MED13L: variants seen among roughly 807,000 people sequenced by gnomAD.
The protein encoded by MED13L is mediator complex subunit 13L, also known as mediator of RNA polymerase II transcription subunit 13-like.
Under a neutral mutation model 220.9 loss-of-function variants are expected in MED13L, and 7 were observed. The observed-to-expected ratio is 0.03, with a 90% CI of 0.02 to 0.06. The LOEUF (loss-of-function observed/expected upper bound fraction) is 0.06. MED13L is among the 10% of genes least tolerant of loss of function. The pLI, the probability that MED13L is intolerant of heterozygous loss-of-function variation, is 1.00. For missense variants in MED13L, 1,965 were observed against 2,760.5 expected, an observed-to-expected ratio of 0.71 and a Z score of 6.46; for synonymous variants, 1,011 against 1,015.2, an observed-to-expected ratio of 1.00 and a Z score of 0.08.
chr12:116,003,015 G>C lies in MED13L; in HGVS notation c.2557C>G (p.Pro853Ala). ...TTTCTCTACCTACTTGGTGGATAAG[G>C]AACAGCAGCTCTTCCATCCTTCCCA... ...PLGKDGRAAVPYPPTVADLQR... is the reference protein window; with the variant it reads ...PLGKDGRAAVAYPPTVADLQR... The change falls in exon 14 of 31, where the codon CCT becomes GCT. Residue 853 changes from proline (P) to alanine (A), a missense_variant. Around this residue, in one of 10 missense-constraint regions of MED13L, gnomAD observed 9 missense variants for 39.6 expected, o/e 0.23. Transcript: ENST00000281928. 1 of 1,613,856 alleles carries C rather than the reference G, an allele frequency of 6.2e-7. No homozygotes were observed. Among genetic ancestry groups the C allele is most frequent in the South Asian group, 1.1e-5 (1 of 91,070 alleles).
chr12:116,140,629 C>T (rs1357241920), intron 2 of MED13L, among the ~76,000 whole-genome samples: 1 of 152,266 alleles, frequency 6.6e-6, no homozygotes, highest in Non-Finnish European at 1.5e-5. Context: ...CCAAGTCTAA[C>T]TACAAAAAGG....
intron 23 of MED13L, among the ~76,000 whole-genome samples, chr12:115,978,323 T>C (rs1036423045): frequency 2.0e-5 from 3 of 150,772 alleles, no homozygotes; most frequent in Non-Finnish European, 4.4e-5. Context: ...TACAATTTTT[T>C]TTCTTTTTTT....
At position 116,120,711 on chromosome 12, in the gene MED13L, G is replaced by GA. The variant is rs147108936; in HGVS notation, c.311-9200dup. Reference sequence around the variant, plus strand: ...ACGGCATGCTGTCTCCATTCCAAAAGAAAAAAAAATAAAAAACAGGAAAAA... The same window carrying GA: ...ACGGCATGCTGTCTCCATTCCAAAAGAAAAAAAAAATAAAAAACAGGAAAAA... On this transcript the variant is annotated intron_variant, in intron 2 of 30. Coordinates refer to ENST00000281928, the MANE Select transcript of MED13L (RefSeq NM_015335.5). 1.5e-3 allele frequency among the ~76,000 whole-genome samples: 215 copies of GA among 147,258 alleles called. 5 individuals are homozygous for GA. The highest frequency in any genetic ancestry group is 7.4e-4 in the Admixed American group (11 of 14,820).
intron 29 of MED13L, among the ~76,000 whole-genome samples, chr12:115,963,809 T>A (rs932611989): frequency 6.6e-5 from 10 of 152,168 alleles, no homozygotes; most frequent in Non-Finnish European, 1.3e-4. Flanking sequence ...TACTATAATA[T>A]ATAATAAGGT....
At position 115,959,673 on chromosome 12, in the gene MED13L, C is replaced by A. The variant is rs1300471083; in HGVS notation, c.*1593G>T. The A allele has an allele frequency of 6.6e-6, 1 of 152,508 alleles. No individual in the cohort carries two copies. Among genetic ancestry groups the A allele is most frequent in the Non-Finnish European group, 1.5e-5 (1 of 68,012 alleles). 9.4% of individuals were successfully genotyped at this position (152,508 alleles called of 1,614,324 possible). The stretch of plus-strand genomic sequence containing the variant: ...TCCTATACATTGCGAAAGTCAACCC[C>A]CCCTTCAACTGGTGGTACAGAGAAC... On this transcript the variant is annotated 3_prime_UTR_variant, in exon 31 of 31. Transcript: ENST00000281928.
At chr12:116,034,843 T>C (rs1426991894) in intron 4 of MED13L, among the ~76,000 whole-genome samples, 1 of 151,932 alleles carries the variant, frequency 6.6e-6, no homozygotes, top group African/African-American at 2.4e-5. Context: ...CTGTCTCTAC[T>C]AAAAATACAA....
Position 116,162,388 on chromosome 12 carries a change from C to T in MED13L, c.311-50876G>A, listed in dbSNP as rs189439187. 5.6e-3 allele frequency among the ~76,000 whole-genome samples: 850 copies of T among 152,202 alleles called. 8 individuals are homozygous for T. Among genetic ancestry groups the T allele is most frequent in the African/African-American group, 0.019 (784 of 41,510 alleles). On this transcript the variant is annotated intron_variant, in intron 2 of 30. Coordinates refer to ENST00000281928, the MANE Select transcript of MED13L (RefSeq NM_015335.5). ...GAATAAAAGCCAATTAGATACATAA[C>T]TAAATGAGTTTTAATTTTGTCTTTT... is the stretch of plus-strand genomic sequence containing the variant.
chr12:116,178,145 G>A (rs1880217034), intron 2 of MED13L, among the ~76,000 whole-genome samples: 1 of 126,612 alleles, frequency 7.9e-6, no homozygotes, highest in African/African-American at 2.6e-5. Context: ...AAAGAGTGCT[G>A]AGATTACACC....
intron 2 of MED13L, among the ~76,000 whole-genome samples, chr12:116,170,479 A>AC (rs1461401061): frequency 6.6e-6 from 1 of 152,122 alleles, no homozygotes; most frequent in Non-Finnish European, 1.5e-5. Context: ...AAATAATTGC[A>AC]CGAAAGCTTT....
At chr12:116,146,451 T>A (rs1877521248) in intron 2 of MED13L, among the ~76,000 whole-genome samples, 1 of 152,024 alleles carries the variant, frequency 6.6e-6, no homozygotes, top group South Asian at 2.1e-4. Flanking sequence ...CTTTTTTTTT[T>A]TTAAAGCTCA....
chr12:116,060,670 C>A (rs1350481143), intron 4 of MED13L, among the ~76,000 whole-genome samples: 1 of 150,652 alleles, frequency 6.6e-6, no homozygotes, highest in East Asian at 1.9e-4. Context: ...ACTGAAAGTA[C>A]TACTTTGGGT....
intron 7 of MED13L, among the ~76,000 whole-genome samples, chr12:116,018,314 A>C (rs146098735): frequency 6.6e-6 from 1 of 152,298 alleles, no homozygotes; most frequent in African/African-American, 2.4e-5. Flanking sequence ...AACTATAAAC[A>C]TTTATTTAAT....
At chr12:116,131,720 T>C (rs1053415403) in intron 2 of MED13L, among the ~76,000 whole-genome samples, 3 of 152,222 alleles carry the variant, frequency 2.0e-5, no homozygotes, top group Non-Finnish European at 4.4e-5. Flanking sequence ...TGGGCACACC[T>C]GTAATCCCAG....
In MED13L at chr12:115,983,538, G is replaced by A. The variant is rs1877484657; in HGVS notation, c.4534C>T (p.Pro1512Ser). The change falls in exon 21 of 31, where the codon CCT becomes TCT. Residue 1512 changes from proline to serine, a missense_variant and splice_region_variant. Physicochemically the swap from Pro to Ser is moderately conservative, Grantham distance 74. Around this residue, in one of 10 missense-constraint regions of MED13L, gnomAD observed 510 missense variants for 620.4 expected, o/e 0.82. Transcript: ENST00000281928. ...YAQVCRHHLAPYLATLQLDSS... is the reference protein window; with the variant it reads ...YAQVCRHHLASYLATLQLDSS... Reference sequence around the variant, plus strand: ...TCAAGCTGCAGAGTGGCTAAATAAGGTGCTGAAAGAATACATGCAAAGAGG... The same window carrying A: ...TCAAGCTGCAGAGTGGCTAAATAAGATGCTGAAAGAATACATGCAAAGAGG... 3 of 1,614,046 alleles carry A rather than the reference G, an allele frequency of 1.9e-6. No individual in the cohort carries two copies. The South Asian group carries it at 3.3e-5, about 18-fold the overall frequency.
chr12:115,969,174 A>C, intron 27 of MED13L, 77 bp from the exon 28 acceptor site: 1 of 1,489,714 alleles, frequency 6.7e-7, no homozygotes, highest in Non-Finnish European at 9.2e-7. Flanking sequence ...ATCCAACCTA[A>C]CCTATGTCAT....
chr12:116,071,503 C>G (rs2137684919), intron 4 of MED13L, among the ~76,000 whole-genome samples: 1 of 152,184 alleles, frequency 6.6e-6, no homozygotes, highest in East Asian at 1.9e-4. Context: ...CTCAGCTCAC[C>G]ACAACCTCTG....
chr12:116,071,692 G>A (rs1870382905), intron 4 of MED13L, among the ~76,000 whole-genome samples: 1 of 152,162 alleles, frequency 6.6e-6, no homozygotes, highest in Admixed American at 6.5e-5. Context: ...AACAAAACAA[G>A]CATTACTTAA....
chr12:116,144,008 C>A (rs548475548), intron 2 of MED13L, among the ~76,000 whole-genome samples: 1 of 152,140 alleles, frequency 6.6e-6, no homozygotes, highest in Admixed American at 6.5e-5. Context: ...CAGGTGATTA[C>A]CCAGAGCCAC....
chr12:116,060,316 G>A (rs868579766), intron 4 of MED13L, among the ~76,000 whole-genome samples: 4 of 151,864 alleles, frequency 2.6e-5, no homozygotes, highest in Admixed American at 6.6e-5. Flanking sequence ...GGTAACTCAC[G>A]CCGGTAATAC....
Sources: allele counts gnomAD v4.1 joint callset (sites outside exome capture counted in the v4.1 genomes callset), GRCh38; gene constraint gnomAD v4.1.1; regional missense constraint gnomAD v4.1.1; transcripts MANE v1.5; gene names NCBI Gene and HGNC (gene_info 2026-07-23, HGNC 2026-07-21).